The following FES variants were observed in gnomAD, a reference collection of about 807,000 sequenced individuals.
FES encodes tyrosine-protein kinase Fes/Fps.
FES carries 83 observed loss-of-function variants against 109.6 expected under a neutral mutation model. The ratio of observed to expected loss-of-function variants is 0.76; its 90% CI spans 0.63 to 0.91. FES has a LOEUF of 0.91. Among genes scored for constraint, FES ranks in the 40% least tolerant of loss-of-function variants. FES has a pLI of 0.00. For synonymous variants in FES, 458 were observed against 442.1 expected (o/e 1.04, Z -0.45); for missense variants, 943 against 1,070.9 (o/e 0.88, Z 1.67).
Position 90,885,594 on chromosome 15 carries a change from G to T in FES, c.387+9G>T, listed in dbSNP as rs757128228. Reference sequence around the variant, plus strand: ...AGCAGGAGCTCACCAAGGTGAGCGGGCAGCACTGGGGCTTCGGTCATTTCT... The same window carrying T: ...AGCAGGAGCTCACCAAGGTGAGCGGTCAGCACTGGGGCTTCGGTCATTTCT... On this transcript the variant is annotated intron_variant, in intron 3 of 18. Coordinates refer to ENST00000328850, the MANE Select transcript of FES (RefSeq NM_002005.4). The T allele has an allele frequency of 3.1e-6, 5 of 1,611,594 alleles. No homozygotes were observed. The Admixed American group carries it at 6.7e-5, about 22-fold the overall frequency.
At chr15:90,890,864 C>G in intron 10 of FES, 118 bp from the exon 11 acceptor site, 1 of 1,033,896 alleles carries the variant, frequency 9.7e-7, no homozygotes, top group South Asian at 1.5e-5. Flanking sequence ...GCTCTGCATG[C>G]CACTCCATGG....
chr15:90,893,879 G>C, intron 17 of FES, 57 bp from the exon 18 acceptor site: 1 of 1,609,656 alleles, frequency 6.2e-7, no homozygotes, highest in Non-Finnish European at 8.5e-7. Context: ...CGGCTGCCTC[G>C]CCCTGGCCCC....
At position 90,892,997 on chromosome 15, in the gene FES, C is replaced by T. The variant is rs190394810; in HGVS notation, c.1827-103C>T. 6.3e-3 allele frequency: 8,847 copies of T among 1,411,190 alleles called. 44 individuals carry two copies. The highest frequency in any genetic ancestry group is 8.5e-3 in the Middle Eastern group (47 of 5,554). The allele number at this position is 1,411,190 out of a possible 1,614,324, so 87.4% of individuals were successfully genotyped here. On this transcript the variant is annotated intron_variant, in intron 14 of 18. Transcript: ENST00000328850. The stretch of plus-strand genomic sequence containing the variant: ...TAGAGGCTGCCCCAGGTCACACGTC[C>T]GGGTCTGCTGGCCTTGGAGGCCAAG...
intron 4 of FES, 53 bp downstream of exon 4, chr15:90,887,110 G>A (rs1412503972): frequency 3.1e-6 from 5 of 1,613,128 alleles, no homozygotes; most frequent in Non-Finnish European, 1.7e-6. Flanking sequence ...GTGCTGACCT[G>A]TCCTTGGGTA....
rs1320059725 is a variant in FES, at chr15:90,892,112, G to A, written c.1707+1G>A. On this transcript the variant is annotated splice_donor_variant, in intron 13 of 18. Coordinates refer to ENST00000328850, the MANE Select transcript of FES (RefSeq NM_002005.4). LOFTEE classifies it high-confidence loss of function. Reference sequence around the variant, plus strand: ...GGTGTTGGGTGAGCAGATTGGACGGGTGAGTGCGCCTCTGCTGGCCTCCTT... The same window carrying A: ...GGTGTTGGGTGAGCAGATTGGACGGATGAGTGCGCCTCTGCTGGCCTCCTT... 6.2e-7 allele frequency: 1 copy of A among 1,614,042 alleles called. No individual in the cohort carries two copies. Among genetic ancestry groups the A allele is most frequent in the Non-Finnish European group, 8.5e-7 (1 of 1,179,978 alleles).
chr15:90,888,053 T>C (rs1307262140), intron 5 of FES, among the ~76,000 whole-genome samples: 1 of 152,194 alleles, frequency 6.6e-6, no homozygotes, highest in Non-Finnish European at 1.5e-5. Context: ...GTGAGGACTT[T>C]GGCTCTGGGT....
chr15:90,884,930 C>G, intron 1 of FES, 107 bp from the exon 2 acceptor site: 1 of 910,610 alleles, frequency 1.1e-6, no homozygotes, highest in Non-Finnish European at 1.7e-6. Context: ...CCCACCTCCT[C>G]CCCGTCTGCA....
At chr15:90,890,643 C>A (rs2033125147) in intron 10 of FES, 159 bp downstream of exon 10, 2 of 684,750 alleles carry the variant, frequency 2.9e-6, no homozygotes, top group East Asian at 2.7e-5. Context: ...GCCCCTGTGA[C>A]CCCTCCCTTT....
chr15:90,890,617 G>GGGT, intron 10 of FES, 133 bp downstream of exon 10: 1 of 823,466 alleles, frequency 1.2e-6, no homozygotes, highest in Non-Finnish European at 1.9e-6. Context: ...CCAGGCTGCA[G>GGGT]ATGTCCCCAG....
Position 90,893,354 on chromosome 15 carries a change from A to G in FES, c.1985A>G (p.Gln662Arg). The change falls in exon 16 of 19, where the codon CAG becomes CGG. Residue 662 changes from glutamine (Q) to arginine (R), a missense_variant. Coordinates refer to ENST00000328850, the MANE Select transcript of FES (RefSeq NM_002005.4). ...GARLRVKTLL[Q>R]MVGDAAAGME... is the part of the protein sequence containing the mutation. ...CGCCTGCGGGTGAAGACTCTGCTGC[A>G]GATGGTGGGGGATGCAGCTGCTGGC... The G allele has an allele frequency of 3.8e-6, 6 of 1,568,966 alleles. No individual in the cohort carries two copies. Among genetic ancestry groups the G allele is most frequent in the Non-Finnish European group, 5.2e-6 (6 of 1,157,336 alleles).
At chr15:90,886,891 T>C (rs2032688224) in intron 3 of FES, 70 bp from the exon 4 acceptor site, 1 of 1,473,010 alleles carries the variant, frequency 6.8e-7, no homozygotes, top group African/African-American at 1.4e-5. Context: ...TTTCCAGGGC[T>C]TCACCCCAGG....
chr15:90,886,218 C>T (rs538627084), intron 3 of FES, among the ~76,000 whole-genome samples: 16 of 152,368 alleles, frequency 1.1e-4, no homozygotes, highest in African/African-American at 3.4e-4. Flanking sequence ...CCCCATTCCT[C>T]GCCCCAAAAG....
intron 18 of FES, among the ~76,000 whole-genome samples, chr15:90,894,747 CA>C (rs1267373224): frequency 1.3e-4 from 19 of 151,058 alleles, no homozygotes; most frequent in South Asian, 6.3e-4. Flanking sequence ...ACCTGGGTGA[CA>C]GAGAGAGAGA....
intron 10 of FES, 147 bp from the exon 11 acceptor site, chr15:90,890,835 C>A: frequency 1.2e-6 from 1 of 843,396 alleles, no homozygotes; most frequent in Non-Finnish European, 1.8e-6. Flanking sequence ...CCAGTGCCCA[C>A]TCCAGGGGCC....
chr15:90,889,198 G>A lies in FES; in HGVS notation c.669-108G>A. 6.9e-7 allele frequency: 1 copy of A among 1,458,582 alleles called. No individual in the cohort carries two copies. The highest frequency in any genetic ancestry group is 9.2e-7 in the Non-Finnish European group (1 of 1,081,644). The allele number at this position is 1,458,582 out of a possible 1,614,324, so 90.4% of individuals were successfully genotyped here. A position where few individuals can be genotyped will look rare whatever the true frequency, so the allele number is the denominator to read the frequency against. ...AGTGGCATGGCTAGCTCGAAGTGAG[G>A]CAGGGGTCAACCCCAGCCCTGACTC... On this transcript the variant is annotated intron_variant, in intron 5 of 18. Transcript: ENST00000328850. The surrounding 1 kb of genome is among the most constrained non-coding windows in gnomAD (Gnocchi z 6.1).
At position 90,890,487 on chromosome 15, in the gene FES, G is replaced by C. The variant is rs768870048; in HGVS notation, c.1320+3G>C. 16 of 1,612,032 alleles carry C rather than the reference G, an allele frequency of 9.9e-6. No homozygotes were observed. The South Asian group carries it at 1.1e-4, about 11-fold the overall frequency. On this transcript the variant is annotated splice_donor_region_variant and intron_variant, in intron 10 of 18. Transcript: ENST00000328850. Reference sequence around the variant, plus strand: ...GAATCTTCCGCCCCAAGTTCTCGGTGAGTGGCGCCCAGCCTGGGCCCCCCT... The same window carrying C: ...GAATCTTCCGCCCCAAGTTCTCGGTCAGTGGCGCCCAGCCTGGGCCCCCCT...
In FES at chr15:90,891,143, G is replaced by C. The variant is rs568632074; in HGVS notation, c.1482G>C (p.Ser494=). 5 of 1,573,622 alleles carry C rather than the reference G, an allele frequency of 3.2e-6. No homozygotes were observed. The South Asian group carries it at 5.8e-5, about 18-fold the overall frequency. The change falls in exon 11 of 19, where the codon TCG becomes TCC. Residue 494 remains serine (S), a synonymous_variant. Coordinates refer to ENST00000328850, the MANE Select transcript of FES (RefSeq NM_002005.4). ...ESQGKQEYVL[S]VLWDGLPRHF... ...AGGGCAAGCAGGAGTACGTGCTGTC[G>C]GTGCTGTGGGATGGTCTGCCCCGGC...
rs753514439 is a variant in FES at position 90,885,396 on chromosome 15, C to G, written c.214-16C>G. 3.1e-6 allele frequency: 5 copies of G among 1,605,296 alleles called. No individual in the cohort carries two copies. Among genetic ancestry groups the G allele is most frequent in the Middle Eastern group, 1.7e-4 (1 of 6,016 alleles). On this transcript the variant is annotated splice_polypyrimidine_tract_variant and intron_variant, in intron 2 of 18. Transcript: ENST00000328850. The stretch of plus-strand genomic sequence containing the variant: ...ATTGTGCCCCCCTCCCTGCCTCCCC[C>G]ATCTGTGCTGTATAGTCCTGGGCTG...
Position 90,895,506 on chromosome 15 carries a change from G to A in FES, c.2417G>A (p.Ser806Asn), listed in dbSNP as rs767528598. The A allele has an allele frequency of 6.3e-7, 1 of 1,598,462 alleles. No homozygotes were observed. Among genetic ancestry groups the A allele is most frequent in the Admixed American group, 1.7e-5 (1 of 58,064 alleles). Residue 806 changes from serine to asparagine, a missense_variant, in exon 19 of 19, where the codon AGC (serine) becomes AAC (asparagine). Physicochemically the swap from Ser to Asn is conservative, Grantham distance 46 (BLOSUM62 1). Transcript: ENST00000328850. Reference protein sequence around the residue: ...CWAYEPGQRPSFSTIYQELQS... With the variant: ...CWAYEPGQRPNFSTIYQELQS... ...GCCTATGAGCCTGGGCAGCGGCCCA[G>A]CTTCAGCACCATCTACCAGGAGCTG...
Sources: allele counts gnomAD v4.1 joint callset (sites outside exome capture counted in the v4.1 genomes callset), GRCh38; gene constraint gnomAD v4.1.1; non-coding constraint Gnocchi (gnomAD v3.1); transcripts MANE v1.5; gene names NCBI Gene and HGNC (gene_info 2026-07-23, HGNC 2026-07-21).